The following GRIK2 variants were observed in gnomAD, a reference collection of about 807,000 sequenced individuals.
GRIK2 encodes the protein glutamate ionotropic receptor kainate type subunit 2.
GRIK2 carries 32 observed loss-of-function variants against 100.3 expected under a neutral mutation model. The observed-to-expected ratio is 0.32, with a 90% CI of 0.24 to 0.43. GRIK2 has a LOEUF of 0.43. Among genes scored for constraint, GRIK2 ranks in the 20% least tolerant of loss-of-function variants. The pLI is 1.00. For missense variants in GRIK2, 843 were observed against 1,114.9 expected (o/e 0.76, Z 3.47); for synonymous variants, 417 against 389.4 (o/e 1.07, Z -0.83).
At chr6:101,975,444 T>A (rs1277304443) in intron 14 of GRIK2, among the ~76,000 whole-genome samples, 4 of 151,854 alleles carry the variant, frequency 2.6e-5, no homozygotes, top group African/African-American at 9.7e-5. Flanking sequence ...GAGTGTGATA[T>A]CAGGGAAACC....
At chr6:101,828,871 T>C (rs1056835083) in intron 10 of GRIK2, among the ~76,000 whole-genome samples, 2 of 151,994 alleles carry the variant, frequency 1.3e-5, no homozygotes, top group Non-Finnish European at 2.9e-5. Flanking sequence ...CTGAGATTAT[T>C]CCAAAAATTT....
At chr6:101,736,917 C>T (rs571237449) in intron 7 of GRIK2, among the ~76,000 whole-genome samples, 1 of 152,212 alleles carries the variant, frequency 6.6e-6, no homozygotes, top group African/African-American at 2.4e-5. Flanking sequence ...CCAGTCACCT[C>T]TTGAATGCTT....
intron 12 of GRIK2, among the ~76,000 whole-genome samples, chr6:101,915,963 C>T (rs1789077759): frequency 6.6e-6 from 1 of 151,238 alleles, no homozygotes; most frequent in East Asian, 1.9e-4. Flanking sequence ...TGCTGGGGCT[C>T]TTGCTTTTAG....
At chr6:101,943,190 C>T (rs1260285310) in intron 14 of GRIK2, among the ~76,000 whole-genome samples, 1 of 152,170 alleles carries the variant, frequency 6.6e-6, no homozygotes, top group Non-Finnish European at 1.5e-5. Context: ...TGGCAGCTTC[C>T]ATGTGGTGTT....
At chr6:101,961,984 C>G (rs1792332873) in intron 14 of GRIK2, among the ~76,000 whole-genome samples, 1 of 152,152 alleles carries the variant, frequency 6.6e-6, no homozygotes, top group Admixed American at 6.5e-5. Flanking sequence ...CATGAGCTAG[C>G]AGCCTAGTGC....
At position 101,626,587 on chromosome 6, in the gene GRIK2, T is replaced by G; in HGVS notation, c.491T>G (p.Val164Gly). 1 of 1,613,906 alleles carries G rather than the reference T, an allele frequency of 6.2e-7. No homozygotes were observed. The highest frequency in any genetic ancestry group is 8.5e-7 in the Non-Finnish European group (1 of 1,179,818). ...SSLSRAILDL[V>G]QFFKWKTVTV... ...CTCAGCCGTGCCATTTTAGACCTGG[T>G]GCAGTTTTTCAAGTGGAAAACCGTC... The change falls in exon 4 of 17, where the codon GTG becomes GGG. Residue 164 changes from valine (V) to glycine (G), a missense_variant. By Grantham distance (109) the Val-to-Gly change is moderately radical (BLOSUM62 -3). Coordinates refer to ENST00000369134, the MANE Select transcript of GRIK2 (RefSeq NM_021956.5).
At chr6:101,738,181 A>T (rs890615364) in intron 7 of GRIK2, among the ~76,000 whole-genome samples, 4 of 150,778 alleles carry the variant, frequency 2.7e-5, no homozygotes, top group African/African-American at 9.7e-5. Context: ...CAATTGTCAA[A>T]TGTCAATTGT....
intron 14 of GRIK2, among the ~76,000 whole-genome samples, chr6:101,983,702 T>C (rs1478010231): frequency 6.6e-6 from 1 of 151,780 alleles, no homozygotes; most frequent in Non-Finnish European, 1.5e-5. Flanking sequence ...TTAACTTTTC[T>C]CACCTGAAAT....
intron 12 of GRIK2, among the ~76,000 whole-genome samples, chr6:101,890,547 A>G (rs1304991529): frequency 6.6e-6 from 1 of 152,156 alleles, no homozygotes; most frequent in Non-Finnish European, 1.5e-5. Context: ...CCTGGTCAAC[A>G]TAGGGAGACT....
chr6:102,048,532 A>C (rs1287777607), intron 15 of GRIK2, among the ~76,000 whole-genome samples: 1 of 152,120 alleles, frequency 6.6e-6, no homozygotes. Flanking sequence ...TATTTAAATG[A>C]GTAAGGGACC....
rs138164189 is a variant in GRIK2, at chr6:101,704,556, A to T, written c.951+18203A>T. Among the ~76,000 whole-genome samples, 123 of 151,960 alleles carry T rather than the reference A, an allele frequency of 8.1e-4. 1 individual carries two copies. In the East Asian group the frequency reaches 0.022, roughly 27 times the overall value. On this transcript the variant is annotated intron_variant, in intron 7 of 16. Coordinates refer to ENST00000369134, the MANE Select transcript of GRIK2 (RefSeq NM_021956.5). ...TATTATTCATTATGTTTTTAAATCA[A>T]TAATAATTCTTAGAAAGTTATTTAG... is the stretch of plus-strand genomic sequence containing the variant.
chr6:102,035,170 TTATACAGATTCAGAC>T (rs1275017420), intron 14 of GRIK2, among the ~76,000 whole-genome samples, 156 bp from the exon 15 acceptor site: 1 of 144,112 alleles, frequency 6.9e-6, no homozygotes, highest in Non-Finnish European at 1.5e-5. Context: ...GAGACAGTCA[TTATACAGATTCAGAC>T]TTTTTTGGTA....
In GRIK2 at chr6:101,909,371, G is replaced by GTTTTTTTTTTTTTT. The variant is rs370241149; in HGVS notation, c.1749-15226_1749-15225insTTTTTTTTTTTTTT. ...TTTTTGGATGCTGAAGGAAGATAGG[G>GTTTTTTTTTTTTTT]TTTTCTTTTTCTTTTTTTTTTTTTT... On this transcript the variant is annotated intron_variant, in intron 12 of 16. Transcript: ENST00000369134. Among the ~76,000 whole-genome samples the GTTTTTTTTTTTTTT allele has an allele frequency of 4.5e-4, 38 of 83,528 alleles. 8 individuals are homozygous for GTTTTTTTTTTTTTT. The highest frequency in any genetic ancestry group is 4.4e-4 in the Non-Finnish European group (19 of 43,006). 54.8% of individuals were successfully genotyped at this position (83,528 alleles called of 152,430 possible).
intron 2 of GRIK2, among the ~76,000 whole-genome samples, chr6:101,529,193 A>G (rs1396819274): frequency 2.0e-5 from 3 of 152,120 alleles, no homozygotes; most frequent in African/African-American, 7.2e-5. Context: ...GCAAAACTCA[A>G]AATATAGTTT....
At chr6:101,997,257 A>G (rs989386067) in intron 14 of GRIK2, among the ~76,000 whole-genome samples, 1 of 151,960 alleles carries the variant, frequency 6.6e-6, no homozygotes, top group African/African-American at 2.4e-5. Context: ...TTTTATTTGA[A>G]AAATAGTTTT....
At chr6:101,748,291 C>T (rs1327546568) in intron 7 of GRIK2, among the ~76,000 whole-genome samples, 2 of 151,976 alleles carry the variant, frequency 1.3e-5, no homozygotes, top group African/African-American at 4.8e-5. Context: ...TAATTTGGTT[C>T]TATAATTCCT....
At chr6:102,063,561 C>T (rs1771859802) in intron 16 of GRIK2, among the ~76,000 whole-genome samples, 1 of 150,772 alleles carries the variant, frequency 6.6e-6, no homozygotes, top group Admixed American at 6.6e-5. Context: ...TTCAACTACA[C>T]TTCTAATATA....
chr6:101,967,960 A>G (rs1397943606), intron 14 of GRIK2, among the ~76,000 whole-genome samples: 1 of 151,786 alleles, frequency 6.6e-6, no homozygotes, highest in East Asian at 1.9e-4. Flanking sequence ...TAGGAGAAAT[A>G]GGAGGAAAAA....
At chr6:101,615,590 G>A (rs149506174) in intron 2 of GRIK2, among the ~76,000 whole-genome samples, 347 of 151,818 alleles carry the variant, frequency 2.3e-3, no homozygotes, top group Middle Eastern at 0.01. Context: ...TGAACTCTCA[G>A]GAGAGCAATT....
Sources: gnomAD v4.1 joint callset for allele counts (sites outside exome capture counted in the v4.1 genomes callset) on GRCh38, gnomAD v4.1.1 for gene constraint, MANE v1.5 for transcripts, NCBI Gene and HGNC (gene_info 2026-07-23, HGNC 2026-07-21) for gene names.